Variants in OPALIN observed in about 807,000 individuals in gnomAD.
OPALIN encodes the protein transmembrane protein 10.
OPALIN carries 15 observed loss-of-function variants against 17.8 expected under a neutral mutation model. The ratio of observed to expected loss-of-function variants is 0.84; its 90% CI spans 0.56 to 1.29. The LOEUF (loss-of-function observed/expected upper bound fraction) is 1.29. Ranked by LOEUF, OPALIN falls within the 50% of genes most tolerant of loss-of-function variation. OPALIN has a pLI of 0.00. For synonymous variants in OPALIN, 62 were observed against 63.8 expected (o/e 0.97, Z 0.14); for missense variants, 170 against 176.0 (o/e 0.97, Z 0.19).
rs1845234125 is a variant in OPALIN at position 96,344,637 on chromosome 10, C to T, written c.*1304G>A. Reference sequence around the variant, plus strand: ...AGTAGCCTCTCCTTTTCCATTTGGCCTCCTTGGAGACAGTCCTCAGCAAGC... The same window carrying T: ...AGTAGCCTCTCCTTTTCCATTTGGCTTCCTTGGAGACAGTCCTCAGCAAGC... On this transcript the variant is annotated 3_prime_UTR_variant, in exon 6 of 6. Coordinates refer to ENST00000371172, the MANE Select transcript of OPALIN (RefSeq NM_033207.5). 1 of 152,102 alleles carries T rather than the reference C, an allele frequency of 6.6e-6. No individual in the cohort carries two copies. The highest frequency in any genetic ancestry group is 2.4e-5 in the African/African-American group (1 of 41,406). The allele number at this position is 152,102 out of a possible 1,614,324, so 9.4% of individuals were successfully genotyped here.
At chr10:96,353,887 C>G (rs531899114) in intron 2 of OPALIN, among the ~76,000 whole-genome samples, 1 of 152,230 alleles carries the variant, frequency 6.6e-6, no homozygotes, top group East Asian at 1.9e-4. Context: ...CAGAAGTGCC[C>G]CCCACCAGAG....
chr10:96,349,110 C>T (rs192260200), intron 4 of OPALIN, among the ~76,000 whole-genome samples: 73 of 152,208 alleles, frequency 4.8e-4, no homozygotes, highest in South Asian at 6.2e-4. Flanking sequence ...CCTTGAATGT[C>T]AATAAATAGA....
At chr10:96,350,451 T>C (rs1294730352) in intron 3 of OPALIN, among the ~76,000 whole-genome samples, 1 of 152,202 alleles carries the variant, frequency 6.6e-6, no homozygotes, top group African/African-American at 2.4e-5. Flanking sequence ...CCTGACCTCA[T>C]GATCTGCCTG....
intron 3 of OPALIN, among the ~76,000 whole-genome samples, chr10:96,351,072 C>A (rs879205428): frequency 6.6e-6 from 1 of 152,188 alleles, no homozygotes. Flanking sequence ...CCTCCTTGTG[C>A]GTGACCACTA....
chr10:96,354,702 T>C (rs1334192201), intron 2 of OPALIN, among the ~76,000 whole-genome samples: 1 of 150,574 alleles, frequency 6.6e-6, no homozygotes, highest in Non-Finnish European at 1.5e-5. Flanking sequence ...ATTGTTGTTG[T>C]TGTTTTCCTA....
intron 4 of OPALIN, among the ~76,000 whole-genome samples, chr10:96,348,736 G>T (rs769118859): frequency 1.1e-4 from 17 of 152,116 alleles, no homozygotes; most frequent in Non-Finnish European, 1.6e-4. Context: ...AATTGGCTTT[G>T]GTGATTGGAA....
intron 5 of OPALIN, among the ~76,000 whole-genome samples, chr10:96,347,491 A>G (rs1430380210): frequency 6.7e-6 from 1 of 148,264 alleles, no homozygotes; most frequent in East Asian, 2.0e-4. Context: ...TTTTTTTTTG[A>G]GATGGAGTCT....
chr10:96,349,238 A>G (rs1845467043), intron 4 of OPALIN, among the ~76,000 whole-genome samples: 1 of 152,178 alleles, frequency 6.6e-6, no homozygotes, highest in Non-Finnish European at 1.5e-5. Context: ...ACAGTCTGGC[A>G]TTGGAGGGGT....
intron 4 of OPALIN, among the ~76,000 whole-genome samples, chr10:96,348,976 A>G (rs1039065415): frequency 5.3e-5 from 8 of 152,216 alleles, no homozygotes; most frequent in African/African-American, 1.7e-4. Context: ...TTGGAGTTGA[A>G]CTAACCAAGA....
intron 5 of OPALIN, among the ~76,000 whole-genome samples, chr10:96,347,089 T>TC (rs1845364608): frequency 6.6e-6 from 1 of 151,914 alleles, no homozygotes; most frequent in Non-Finnish European, 1.5e-5. Context: ...TTCCTTTCTT[T>TC]CTTTTTTTTT....
At chr10:96,348,417 A>G in intron 4 of OPALIN, 72 bp from the exon 5 acceptor site, 1 of 720,656 alleles carries the variant, frequency 1.4e-6, no homozygotes, top group Non-Finnish European at 2.3e-6. Flanking sequence ...TTTGACCGTA[A>G]CTATGATTAA....
intron 5 of OPALIN, among the ~76,000 whole-genome samples, chr10:96,347,096 T>C (rs1252410538): frequency 6.6e-6 from 1 of 151,996 alleles, no homozygotes; most frequent in Non-Finnish European, 1.5e-5. Flanking sequence ...CTTTCTTTTT[T>C]TTTTCTTTTT....
chr10:96,354,206 G>C (rs1353760612), intron 2 of OPALIN, among the ~76,000 whole-genome samples: 1 of 152,064 alleles, frequency 6.6e-6, no homozygotes, highest in Non-Finnish European at 1.5e-5. Context: ...TTGGCTCTTA[G>C]TGTTATCTAT....
intron 1 of OPALIN, among the ~76,000 whole-genome samples, chr10:96,355,554 T>C (rs60123088): frequency 0.022 from 3,343 of 152,276 alleles, 139 homozygotes; most frequent in African/African-American, 0.074. Flanking sequence ...AGAGGCAGCC[T>C]GCAAGGCTAT....
At chr10:96,348,704 TG>T (rs1274234657) in intron 4 of OPALIN, among the ~76,000 whole-genome samples, 1 of 152,236 alleles carries the variant, frequency 6.6e-6, no homozygotes, top group Non-Finnish European at 1.5e-5. Flanking sequence ...GCCACAGCTT[TG>T]TCATCCAGAA....
chr10:96,349,596 C>T (rs1365142806), intron 4 of OPALIN, 111 bp downstream of exon 4: 5 of 1,238,866 alleles, frequency 4.0e-6, no homozygotes, highest in African/African-American at 3.0e-5. Flanking sequence ...AGCATCTTGT[C>T]CTCAGGAAAT....
intron 1 of OPALIN, among the ~76,000 whole-genome samples, chr10:96,356,270 C>CT (rs1845815519): frequency 6.6e-6 from 1 of 152,246 alleles, no homozygotes; most frequent in Non-Finnish European, 1.5e-5. Flanking sequence ...AGCTTCCCGT[C>CT]TTTCCAGCAT....
chr10:96,350,808 G>A (rs1170385480), intron 3 of OPALIN, among the ~76,000 whole-genome samples: 1 of 152,168 alleles, frequency 6.6e-6, no homozygotes, highest in Non-Finnish European at 1.5e-5. Flanking sequence ...TAAGTTTTCA[G>A]ATTTGCAGAC....
At chr10:96,349,645 G>C in intron 4 of OPALIN, 62 bp downstream of exon 4, 2 of 1,560,204 alleles carry the variant, frequency 1.3e-6, no homozygotes, top group Non-Finnish European at 1.7e-6. Context: ...TAGTCCAAAA[G>C]CCAGTTCACT....
Sources: gnomAD v4.1 joint callset for allele counts (sites outside exome capture counted in the v4.1 genomes callset) on GRCh38, gnomAD v4.1.1 for gene constraint, MANE v1.5 for transcripts, NCBI Gene and HGNC (gene_info 2026-07-23, HGNC 2026-07-21) for gene names.